Variants in SLC44A1 observed in about 807,000 individuals in gnomAD.
SLC44A1 encodes the protein solute carrier family 44 member 1, also known as choline transporter-like protein 1.
SLC44A1 carries 26 observed loss-of-function variants against 79.3 expected under a neutral mutation model. The observed-to-expected ratio is 0.33, with a 90% CI of 0.24 to 0.46. The LOEUF (loss-of-function observed/expected upper bound fraction) is 0.46. Among genes scored for constraint, SLC44A1 ranks in the 20% least tolerant of loss-of-function variants. The pLI is 1.00. For missense variants in SLC44A1, 688 were observed against 798.1 expected (o/e 0.86, Z 1.66); for synonymous variants, 263 against 286.2 (o/e 0.92, Z 0.82).
chr9:105,264,580 C>G (rs1399556705), intron 1 of SLC44A1, among the ~76,000 whole-genome samples: 1 of 152,186 alleles, frequency 6.6e-6, no homozygotes, highest in African/African-American at 2.4e-5. Context: ...ACTGTCTACC[C>G]AGCTTTCTAT....
At chr9:105,270,290 A>G (rs1460089140) in intron 1 of SLC44A1, among the ~76,000 whole-genome samples, 1 of 151,970 alleles carries the variant, frequency 6.6e-6, no homozygotes. Flanking sequence ...TCTTTACGTA[A>G]TCATATCTGA....
chr9:105,309,452 T>G (rs1000623153), intron 2 of SLC44A1, among the ~76,000 whole-genome samples: 1 of 152,192 alleles, frequency 6.6e-6, no homozygotes, highest in Non-Finnish European at 1.5e-5. Context: ...GAGCTGCTAT[T>G]ATTACTATTA....
chr9:105,380,036 G>A (rs531849457), intron 13 of SLC44A1, among the ~76,000 whole-genome samples: 207 of 152,234 alleles, frequency 1.4e-3, no homozygotes, highest in African/African-American at 4.8e-3. Flanking sequence ...CACTTATGAT[G>A]GCAAGAAAAG....
At chr9:105,385,867 T>C (rs1179322447) in intron 15 of SLC44A1, 4 of 985,322 alleles carry the variant, frequency 4.1e-6, no homozygotes, top group Non-Finnish European at 3.6e-6. Flanking sequence ...GAACTGACGG[T>C]TTGATTTTTA....
chr9:105,308,863 T>A (rs1263348097), intron 2 of SLC44A1, among the ~76,000 whole-genome samples: 1 of 152,254 alleles, frequency 6.6e-6, no homozygotes, highest in African/African-American at 2.4e-5. Flanking sequence ...TGATTCACTT[T>A]CTGTTCTTCT....
chr9:105,357,957 A>C (rs1369914004), intron 6 of SLC44A1, among the ~76,000 whole-genome samples: 1 of 152,200 alleles, frequency 6.6e-6, no homozygotes, highest in East Asian at 1.9e-4. Context: ...ATCTCTGTCT[A>C]TGTGTAGTAA....
intron 15 of SLC44A1, among the ~76,000 whole-genome samples, chr9:105,418,794 C>G (rs577158860): frequency 6.6e-6 from 1 of 152,190 alleles, no homozygotes; most frequent in Non-Finnish European, 1.5e-5. Flanking sequence ...GCCACTCGTG[C>G]TGAAATGTGA....
At position 105,396,919 on chromosome 9, in the gene SLC44A1, A is replaced by G. The variant is rs1157048173; in HGVS notation, c.*7863A>G. ...CACTACACTGTATTCATGTGGGGGA[A>G]CAAACATGTAGGTGCTTGAACATGC... is the stretch of plus-strand genomic sequence containing the variant. On this transcript the variant is annotated 3_prime_UTR_variant, in exon 16 of 16. Transcript: ENST00000374720. 1.0e-6 allele frequency: 1 copy of G among 984,848 alleles called. No individual in the cohort carries two copies. Among genetic ancestry groups the G allele is most frequent in the Non-Finnish European group, 1.2e-6 (1 of 829,542 alleles). The allele number at this position is 984,848 out of a possible 1,614,324, so 61.0% of individuals were successfully genotyped here.
At chr9:105,433,138 A>C (rs1330261525) in intron 15 of SLC44A1, among the ~76,000 whole-genome samples, 1 of 152,108 alleles carries the variant, frequency 6.6e-6, no homozygotes. Flanking sequence ...TCTACTAAAA[A>C]TACAAAAATT....
intron 5 of SLC44A1, among the ~76,000 whole-genome samples, chr9:105,350,539 C>T (rs1019602731): frequency 3.3e-5 from 5 of 152,024 alleles, no homozygotes; most frequent in Non-Finnish European, 5.9e-5. Context: ...AGGCAAGTAC[C>T]CCTCAGCATC....
chr9:105,260,875 T>G (rs189941211), intron 1 of SLC44A1, among the ~76,000 whole-genome samples: 149 of 152,224 alleles, frequency 9.8e-4, no homozygotes, highest in Non-Finnish European at 1.8e-3. Flanking sequence ...AATGCTATCT[T>G]TGGTTGGAGA....
chr9:105,397,893 A>C (rs1828905916), downstream of SLC44A1, among the ~76,000 whole-genome samples: 8 of 152,056 alleles, frequency 5.3e-5, no homozygotes, highest in Admixed American at 5.2e-4. Flanking sequence ...GCTTGCAGTG[A>C]GCCAAGATCG....
intron 2 of SLC44A1, among the ~76,000 whole-genome samples, chr9:105,308,692 T>A (rs1038207911): frequency 6.6e-6 from 1 of 152,234 alleles, no homozygotes; most frequent in Admixed American, 6.5e-5. Flanking sequence ...TTTACATAAG[T>A]ACTACTCGTG....
chr9:105,262,135 C>G (rs558117835), intron 1 of SLC44A1, among the ~76,000 whole-genome samples: 17 of 152,154 alleles, frequency 1.1e-4, no homozygotes, highest in African/African-American at 4.1e-4. Context: ...GTGTAAAACA[C>G]TGATAATTCC....
intron 15 of SLC44A1, chr9:105,386,069 C>T (rs969692525): frequency 6.1e-5 from 60 of 985,154 alleles, no homozygotes; most frequent in Non-Finnish European, 7.0e-5. Context: ...CATCAATACC[C>T]ACATTCCCAC....
intron 3 of SLC44A1, among the ~76,000 whole-genome samples, chr9:105,318,175 G>GT (rs1341617318): frequency 6.6e-6 from 1 of 152,004 alleles, no homozygotes; most frequent in Non-Finnish European, 1.5e-5. Flanking sequence ...ATTTATACAG[G>GT]TTTTTTTGTT....
Position 105,372,220 on chromosome 9 carries a change from CTGA to C in SLC44A1, c.1495-2373_1495-2371del, listed in dbSNP as rs528138327. ...GCAAACATAATATAGTAATAATATT[CTGA>C]TGATAACAAACTTCCCCAATTTGTA... On this transcript the variant is annotated intron_variant, in intron 12 of 15. Coordinates refer to ENST00000374720, the MANE Select transcript of SLC44A1 (RefSeq NM_080546.5). Among the ~76,000 whole-genome samples, 518 of 152,240 alleles carry C rather than the reference CTGA, an allele frequency of 3.4e-3. 4 individuals are homozygous for C. The highest frequency in any genetic ancestry group is 0.012 in the African/African-American group (479 of 41,530).
chr9:105,319,684 G>A (rs1303864599), intron 3 of SLC44A1, among the ~76,000 whole-genome samples: 1 of 152,000 alleles, frequency 6.6e-6, no homozygotes, highest in African/African-American at 2.4e-5. Flanking sequence ...TGTGACCCAA[G>A]AGCACCAAGT....
intron 15 of SLC44A1, among the ~76,000 whole-genome samples, chr9:105,433,360 A>G (rs1829422608): frequency 6.6e-6 from 1 of 152,188 alleles, no homozygotes. Flanking sequence ...TCCCAAATGG[A>G]TGAAAGATTT....
Sources: gnomAD v4.1 joint callset for allele counts (sites outside exome capture counted in the v4.1 genomes callset) on GRCh38, gnomAD v4.1.1 for gene constraint, MANE v1.5 for transcripts, NCBI Gene and HGNC (gene_info 2026-07-23, HGNC 2026-07-21) for gene names.